COG5: variants seen among roughly 807,000 people sequenced by gnomAD.
The protein encoded by COG5 is component of oligomeric golgi complex 5.
A neutral mutation model predicts 110.4 loss-of-function variants in COG5; 86 were observed. The observed-to-expected ratio is 0.78, with a 90% CI of 0.65 to 0.93. The LOEUF (loss-of-function observed/expected upper bound fraction) is 0.93, where lower values mean the gene tolerates loss of function less well. Among genes scored for constraint, COG5 ranks in the 40% least tolerant of loss-of-function variants. The probability of loss-of-function intolerance (pLI) is 0.00; values close to 1 mark genes in which losing one functional copy is unlikely to be tolerated. For missense variants in COG5, 1,077 were observed against 987.0 expected (o/e 1.09, Z -1.22); for synonymous variants, 360 against 334.6 (o/e 1.08, Z -0.83).
chr7:107,290,950 C>A (rs925093998), intron 12 of COG5, among the ~76,000 whole-genome samples: 2 of 152,150 alleles, frequency 1.3e-5, no homozygotes, highest in Admixed American at 6.5e-5. Context: ...GCCACCGCAC[C>A]CAGCCGATTG....
At chr7:107,496,475 A>G (rs1798278184) in intron 6 of COG5, among the ~76,000 whole-genome samples, 1 of 152,024 alleles carries the variant, frequency 6.6e-6, no homozygotes, top group African/African-American at 2.4e-5. Context: ...CCCAGCCAAC[A>G]TGGAGAAACC....
chr7:107,456,162 G>A (rs955424803), intron 6 of COG5, among the ~76,000 whole-genome samples: 11 of 152,034 alleles, frequency 7.2e-5, no homozygotes, highest in South Asian at 2.1e-4. Flanking sequence ...CTAACCTATC[G>A]GTTCTAACAT....
intron 6 of COG5, among the ~76,000 whole-genome samples, chr7:107,508,604 G>A (rs183970935): frequency 1.1e-3 from 169 of 152,322 alleles, no homozygotes; most frequent in Middle Eastern, 6.8e-3. Flanking sequence ...CGTGACCCCC[G>A]AGCAGCCTAA....
intron 16 of COG5, among the ~76,000 whole-genome samples, chr7:107,249,059 T>C (rs750362542): frequency 2.0e-5 from 3 of 152,100 alleles, no homozygotes; most frequent in Non-Finnish European, 4.4e-5. Context: ...TAGTACCCAA[T>C]AGTTATTTTT....
At position 107,501,591 on chromosome 7, in the gene COG5, T is replaced by G. The variant is rs190136840; in HGVS notation, c.538+25646A>C. ...TTTTTTACACTATATGATAAAAGAA[T>G]GAATAGAATCATAAATGTGGTATGA... is the stretch of plus-strand genomic sequence containing the variant. On this transcript the variant is annotated intron_variant, in intron 6 of 21. Coordinates refer to ENST00000297135, the MANE Select transcript of COG5 (RefSeq NM_006348.5). Among the ~76,000 whole-genome samples, 3 of 152,312 alleles carry G rather than the reference T, an allele frequency of 2.0e-5. No individual in the cohort carries two copies. In the East Asian group the frequency reaches 5.8e-4, roughly 29 times the overall value.
At position 107,329,546 on chromosome 7, in the gene COG5, C is replaced by T. The variant is rs1173071765; in HGVS notation, c.1027-5025G>A. Among the ~76,000 whole-genome samples, 7 of 151,800 alleles carry T rather than the reference C, an allele frequency of 4.6e-5. No homozygotes were observed. In the East Asian group the frequency reaches 5.8e-4, roughly 13 times the overall value. On this transcript the variant is annotated intron_variant, in intron 10 of 21. Coordinates refer to ENST00000297135, the MANE Select transcript of COG5 (RefSeq NM_006348.5). ...ACTATATAATAGTAAATCTATATCT[C>T]CTACCAAAATATAAAAAGATAGAAT...
At chr7:107,315,719 C>A (rs1808667280) in intron 11 of COG5, among the ~76,000 whole-genome samples, 1 of 152,110 alleles carries the variant, frequency 6.6e-6, no homozygotes, top group African/African-American at 2.4e-5. Context: ...GATGGTTGCA[C>A]TTCCTTAATA....
At chr7:107,212,268 G>A (rs1263218390) in intron 19 of COG5, among the ~76,000 whole-genome samples, 3 of 152,032 alleles carry the variant, frequency 2.0e-5, no homozygotes, top group Non-Finnish European at 4.4e-5. Context: ...CTAGCTACTG[G>A]GGAAGCATTT....
chr7:107,440,652 G>A (rs967398954), intron 6 of COG5, among the ~76,000 whole-genome samples: 25 of 152,106 alleles, frequency 1.6e-4, no homozygotes, highest in Non-Finnish European at 4.4e-5. Flanking sequence ...GGAGGGAAAA[G>A]AGGCTGAAAA....
intron 19 of COG5, among the ~76,000 whole-genome samples, chr7:107,218,945 C>T (rs909870579): frequency 6.6e-6 from 1 of 151,834 alleles, no homozygotes; most frequent in African/African-American, 2.4e-5. Flanking sequence ...TAGAAGAAAG[C>T]CATACATCTG....
chr7:107,386,430 C>T (rs949202906), intron 7 of COG5, among the ~76,000 whole-genome samples: 28 of 152,160 alleles, frequency 1.8e-4, no homozygotes, highest in Admixed American at 3.3e-4. Context: ...AGACAGACCC[C>T]CGCAGCTGGT....
chr7:107,457,557 T>C (rs1359879071), intron 6 of COG5, among the ~76,000 whole-genome samples: 2 of 151,978 alleles, frequency 1.3e-5, no homozygotes, highest in African/African-American at 4.8e-5. Context: ...GCCTCCCAAG[T>C]AGCTGGGACT....
chr7:107,407,552 ATATAT>A lies in COG5; in HGVS notation c.669+4945_669+4949del, dbSNP rs549924998. ...ATCCAGTGAGTACATCAAAACATATATATATTATAACAAGTGTGATAAATAAAATG... is the reference window on the plus strand; with the variant it reads ...ATCCAGTGAGTACATCAAAACATATATATAACAAGTGTGATAAATAAAATG... On this transcript the variant is annotated intron_variant, in intron 7 of 21. Coordinates refer to ENST00000297135, the MANE Select transcript of COG5 (RefSeq NM_006348.5). Among the ~76,000 whole-genome samples the A allele has an allele frequency of 9.3e-3, 1,416 of 152,146 alleles. 25 individuals carry two copies. Among genetic ancestry groups the A allele is most frequent in the African/African-American group, 0.032 (1,313 of 41,516 alleles).
At chr7:107,517,703 T>G (rs1285560924) in intron 6 of COG5, among the ~76,000 whole-genome samples, 1 of 146,754 alleles carries the variant, frequency 6.8e-6, no homozygotes, top group East Asian at 2.0e-4. Flanking sequence ...CAACATTCCT[T>G]TTTTTTTTTT....
rs535629024 is a variant in COG5 at position 107,554,239 on chromosome 7, C to T, written c.292+46G>A. On this transcript the variant is annotated intron_variant, in intron 3 of 21. Transcript: ENST00000297135. ...AAGTAGCTTGCCAAAGCTTGCCAAT[C>T]CCTGGTCTAGCTCTACATAATCTCT... 1.3e-5 allele frequency: 21 copies of T among 1,562,366 alleles called. No homozygotes were observed. In the South Asian group the frequency reaches 2.3e-4, roughly 17 times the overall value.
At chr7:107,238,925 C>T (rs888742094) in intron 17 of COG5, among the ~76,000 whole-genome samples, 20 of 152,070 alleles carry the variant, frequency 1.3e-4, no homozygotes, top group Admixed American at 2.6e-4. Context: ...TAAGTATTTT[C>T]CCCAATCCAT....
intron 10 of COG5, among the ~76,000 whole-genome samples, chr7:107,353,655 T>A (rs1812373786): frequency 6.6e-6 from 1 of 152,210 alleles, no homozygotes; most frequent in East Asian, 1.9e-4. Context: ...TAAACTAAAA[T>A]ACCACTTAGG....
chr7:107,501,776 T>C (rs1448603864), intron 6 of COG5, among the ~76,000 whole-genome samples: 3 of 152,138 alleles, frequency 2.0e-5, no homozygotes, highest in Admixed American at 1.3e-4. Context: ...GAGCACAACA[T>C]CACCCCCATC....
At chr7:107,361,289 A>T (rs1422511117) in intron 10 of COG5, among the ~76,000 whole-genome samples, 1 of 152,240 alleles carries the variant, frequency 6.6e-6, no homozygotes, top group African/African-American at 2.4e-5. Context: ...GGTGGAAGAC[A>T]GAAAGATCTC....
Sources: allele counts gnomAD v4.1 joint callset (sites outside exome capture counted in the v4.1 genomes callset), GRCh38; gene constraint gnomAD v4.1.1; transcripts MANE v1.5; gene names NCBI Gene and HGNC (gene_info 2026-07-23, HGNC 2026-07-21).